Variants in SPAG16 observed in about 807,000 individuals in gnomAD.
The protein encoded by SPAG16 is sperm associated antigen 16.
Under a neutral mutation model 80.4 loss-of-function variants are expected in SPAG16, and 86 were observed. The observed-to-expected ratio is 1.07, with a 90% CI of 0.90 to 1.28. The LOEUF is 1.28. Ranked by LOEUF, SPAG16 falls within the 50% of genes most tolerant of loss-of-function variation. The pLI is 0.00. For synonymous variants in SPAG16, 294 were observed against 265.9 expected (o/e 1.11, Z -1.03); for missense variants, 870 against 765.3 (o/e 1.14, Z -1.61).
At chr2:213,839,600 A>G (rs2074268909) in intron 10 of SPAG16, among the ~76,000 whole-genome samples, 1 of 152,194 alleles carries the variant, frequency 6.6e-6, no homozygotes, top group Non-Finnish European at 1.5e-5. Flanking sequence ...GCCAAAAACA[A>G]CAATTCTAAA....
chr2:214,285,061 A>T (rs1369436499), intron 15 of SPAG16, among the ~76,000 whole-genome samples: 1 of 152,200 alleles, frequency 6.6e-6, no homozygotes, highest in Non-Finnish European at 1.5e-5. Context: ...ACTGTTTTCC[A>T]TAATGGCTGT....
intron 10 of SPAG16, among the ~76,000 whole-genome samples, chr2:213,789,699 ATC>A (rs1316327224): frequency 2.6e-5 from 4 of 151,900 alleles, no homozygotes; most frequent in Non-Finnish European, 5.9e-5. Context: ...GTTTTCTTGT[ATC>A]TCCATTATAC....
intron 15 of SPAG16, among the ~76,000 whole-genome samples, chr2:214,192,289 C>G (rs2057690624): frequency 6.6e-6 from 1 of 152,110 alleles, no homozygotes. Context: ...CACTGCTCAT[C>G]TTTCCTTAAT....
At chr2:213,775,070 T>C (rs2069489812) in intron 10 of SPAG16, among the ~76,000 whole-genome samples, 1 of 152,112 alleles carries the variant, frequency 6.6e-6, no homozygotes, top group East Asian at 1.9e-4. Context: ...ATTCTCAGAG[T>C]ACAACTATTT....
chr2:214,041,614 A>C (rs985948006), intron 13 of SPAG16, among the ~76,000 whole-genome samples: 12 of 151,612 alleles, frequency 7.9e-5, no homozygotes, highest in Non-Finnish European at 1.2e-4. Context: ...TGCTCAATCT[A>C]AATTTCTCTC....
intron 12 of SPAG16, among the ~76,000 whole-genome samples, chr2:213,993,247 G>A (rs1307598066): frequency 1.3e-5 from 2 of 152,160 alleles, no homozygotes; most frequent in Admixed American, 1.3e-4. Context: ...GGAATTGATT[G>A]CCTGACATAA....
In SPAG16 at chr2:213,930,057, G is replaced by T. The variant is rs747474099; in HGVS notation, c.1312G>T (p.Ala438Ser). 22 of 1,614,008 alleles carry T rather than the reference G, an allele frequency of 1.4e-5. No individual in the cohort carries two copies. In the African/African-American group the frequency reaches 2.9e-4, roughly 22 times the overall value. The change falls in exon 12 of 16, where the codon GCA (alanine) becomes TCA (serine). Residue 438 changes from alanine (A) to serine (S), a missense_variant. By Grantham distance (99) the Ala-to-Ser change is moderately conservative. Transcript: ENST00000331683. ...TTTGACCTTTGAAGGACACAGCCGC[G>T]CAGTGTGGTCCTGCACATGGCACTC... ...CILTFEGHSRAVWSCTWHSCG... is the reference protein window; with the variant it reads ...CILTFEGHSRSVWSCTWHSCG...
At chr2:213,506,764 T>G (rs2074986907) in intron 10 of SPAG16, among the ~76,000 whole-genome samples, 1 of 152,198 alleles carries the variant, frequency 6.6e-6, no homozygotes, top group African/African-American at 2.4e-5. Context: ...TTGGATTAAT[T>G]AATTAAAAAG....
intron 15 of SPAG16, among the ~76,000 whole-genome samples, chr2:214,385,717 A>C (rs1156326625): frequency 6.6e-6 from 1 of 151,986 alleles, no homozygotes; most frequent in Non-Finnish European, 1.5e-5. Context: ...GGTGGCACGC[A>C]CCTGTAGTCC....
At chr2:213,630,492 T>C (rs997206625) in intron 10 of SPAG16, among the ~76,000 whole-genome samples, 1 of 152,190 alleles carries the variant, frequency 6.6e-6, no homozygotes, top group African/African-American at 2.4e-5. Flanking sequence ...AGTTTGTAAG[T>C]TATATTTCTT....
At chr2:213,476,393 G>A (rs2073389548) in intron 9 of SPAG16, among the ~76,000 whole-genome samples, 1 of 152,156 alleles carries the variant, frequency 6.6e-6, no homozygotes, top group Non-Finnish European at 1.5e-5. Context: ...AAGAGAAGCT[G>A]GATTGGAATA....
chr2:213,318,948 C>T (rs1056598103), intron 5 of SPAG16, among the ~76,000 whole-genome samples: 1 of 151,910 alleles, frequency 6.6e-6, no homozygotes, highest in East Asian at 1.9e-4. Flanking sequence ...GAAGCCAGAT[C>T]TCTCCACACC....
intron 10 of SPAG16, among the ~76,000 whole-genome samples, chr2:213,855,412 A>G (rs9288474): frequency 0.34 from 52,119 of 152,028 alleles, 9,393 homozygotes; most frequent in South Asian, 0.47. Flanking sequence ...CTTAACCTCT[A>G]TGTATCCCAG....
chr2:213,357,885 TG>T (rs1210524287), intron 7 of SPAG16, among the ~76,000 whole-genome samples: 4 of 152,254 alleles, frequency 2.6e-5, no homozygotes, highest in Admixed American at 2.6e-4. Flanking sequence ...GTTTTTGCAG[TG>T]GCTGGTACTG....
intron 9 of SPAG16, among the ~76,000 whole-genome samples, chr2:213,427,512 T>G (rs2125464132): frequency 6.6e-6 from 1 of 152,314 alleles, no homozygotes; most frequent in East Asian, 1.9e-4. Flanking sequence ...CTTGGACTGT[T>G]TTGACTGGCT....
At chr2:213,422,454 C>T in intron 9 of SPAG16, 1 of 585,598 alleles carries the variant, frequency 1.7e-6, no homozygotes, top group Non-Finnish European at 3.1e-6. Context: ...CCCCTCACCT[C>T]TCTGCTCCTG....
At chr2:213,696,223 A>G (rs1574843774) in intron 10 of SPAG16, among the ~76,000 whole-genome samples, 1 of 152,326 alleles carries the variant, frequency 6.6e-6, no homozygotes, top group Non-Finnish European at 1.5e-5. Flanking sequence ...TAAATTGAGA[A>G]TGAAAGAACA....
At chr2:213,611,140 G>T (rs372167559) in intron 10 of SPAG16, among the ~76,000 whole-genome samples, 15 of 152,190 alleles carry the variant, frequency 9.9e-5, no homozygotes, top group African/African-American at 3.6e-4. Flanking sequence ...AGGGGTTGGG[G>T]GTAGTCATGC....
rs2074550679 is a variant in SPAG16, at chr2:213,497,603, T to C, written c.1070+7513T>C. Among the ~76,000 whole-genome samples the C allele has an allele frequency of 2.0e-5, 3 of 152,204 alleles. No homozygotes were observed. The South Asian group carries it at 6.2e-4, about 32-fold the overall frequency. The stretch of plus-strand genomic sequence containing the variant: ...CTGGGACTGTAAACATTTTTCATTC[T>C]CTTTTAATTATCTAGATCTATATTA... On this transcript the variant is annotated intron_variant, in intron 10 of 15. Transcript: ENST00000331683.
Sources: allele counts gnomAD v4.1 joint callset (sites outside exome capture counted in the v4.1 genomes callset), GRCh38; gene constraint gnomAD v4.1.1; transcripts MANE v1.5; gene names NCBI Gene and HGNC (gene_info 2026-07-23, HGNC 2026-07-21).